The following THSD7B variants were observed in gnomAD, a reference collection of about 807,000 sequenced individuals.
The protein encoded by THSD7B is thrombospondin type 1 domain containing 7B.
Under a neutral mutation model 213.6 loss-of-function variants are expected in THSD7B, and 138 were observed. That is an observed-to-expected ratio of 0.65 (90% confidence interval 0.56 to 0.74). The LOEUF is 0.74. Among genes scored for constraint, THSD7B ranks in the 30% least tolerant of loss-of-function variants. THSD7B has a pLI of 0.00. For missense variants in THSD7B, 1,931 were observed against 1,991.5 expected, an observed-to-expected ratio of 0.97 and a Z score of 0.58; for synonymous variants, 742 against 687.0, an observed-to-expected ratio of 1.08 and a Z score of -1.25.
At chr2:137,055,282 T>C (rs548427083) in intron 2 of THSD7B, among the ~76,000 whole-genome samples, 1 of 152,282 alleles carries the variant, frequency 6.6e-6, no homozygotes, top group South Asian at 2.1e-4. Context: ...TTTATAATCC[T>C]TTGGGATCAA....
intron 1 of THSD7B, among the ~76,000 whole-genome samples, chr2:136,862,403 G>A (rs899506705): frequency 3.3e-5 from 5 of 152,068 alleles, no homozygotes; most frequent in African/African-American, 1.2e-4. Context: ...TGCCATTTTG[G>A]GTCCCCTTCT....
At position 137,493,860 on chromosome 2, in the gene THSD7B, A is replaced by T. The variant is rs546120175; in HGVS notation, c.3138+42837A>T. Among the ~76,000 whole-genome samples the T allele has an allele frequency of 2.4e-4, 36 of 152,300 alleles. 1 individual carries two copies. The South Asian group carries it at 7.3e-3, about 31-fold the overall frequency. On this transcript the variant is annotated intron_variant, in intron 15 of 27. Coordinates refer to ENST00000409968, the MANE Select transcript of THSD7B (RefSeq NM_001316349.2). ...GGAAACGTACCTAGCCCTGGATATGATACCCTTTGTGTCGTTTGGAAAGTG... is the reference window on the plus strand; with the variant it reads ...GGAAACGTACCTAGCCCTGGATATGTTACCCTTTGTGTCGTTTGGAAAGTG...
intron 5 of THSD7B, among the ~76,000 whole-genome samples, chr2:137,130,872 A>C (rs1458260169): frequency 3.0e-4 from 45 of 148,728 alleles, no homozygotes; most frequent in Non-Finnish European, 1.0e-4. Flanking sequence ...AGCATGATTT[A>C]TAGTCCTTTG....
At chr2:136,933,803 C>T (rs1684673161) in intron 2 of THSD7B, among the ~76,000 whole-genome samples, 1 of 152,110 alleles carries the variant, frequency 6.6e-6, no homozygotes, top group Non-Finnish European at 1.5e-5. Flanking sequence ...TTGTATTAAT[C>T]TAATTGATAT....
chr2:137,483,971 C>T (rs1404092686), intron 15 of THSD7B, among the ~76,000 whole-genome samples: 2 of 151,966 alleles, frequency 1.3e-5, no homozygotes, highest in East Asian at 1.9e-4. Context: ...GAGGGCTGGA[C>T]ATTATGCGAT....
chr2:136,947,711 G>A (rs1357033109), intron 2 of THSD7B, among the ~76,000 whole-genome samples: 1 of 152,190 alleles, frequency 6.6e-6, no homozygotes, highest in Non-Finnish European at 1.5e-5. Flanking sequence ...ATTCTAAGGT[G>A]CATATAAAGT....
intron 26 of THSD7B, among the ~76,000 whole-genome samples, chr2:137,665,545 G>A (rs1683429903): frequency 6.6e-6 from 1 of 151,924 alleles, no homozygotes; most frequent in African/African-American, 2.4e-5. Context: ...CTCATGGTGA[G>A]GGTATAAATT....
At chr2:137,554,519 C>G (rs1680913114) in intron 15 of THSD7B, among the ~76,000 whole-genome samples, 1 of 152,074 alleles carries the variant, frequency 6.6e-6, no homozygotes, top group Admixed American at 6.5e-5. Flanking sequence ...GTTTTTGGGA[C>G]TAAGGTGAGA....
chr2:137,527,483 T>G (rs1396930050), intron 15 of THSD7B, among the ~76,000 whole-genome samples: 1 of 152,160 alleles, frequency 6.6e-6, no homozygotes. Context: ...TCAGTTACCT[T>G]GCTCCATTTT....
At chr2:137,210,270 G>A (rs1021600979) in intron 7 of THSD7B, among the ~76,000 whole-genome samples, 112 of 152,028 alleles carry the variant, frequency 7.4e-4, no homozygotes, top group African/African-American at 2.7e-3. Flanking sequence ...TCACTTTTTG[G>A]CATTTAAGTA....
Position 137,351,771 on chromosome 2 carries a change from A to G in THSD7B, c.2501-53842A>G, listed in dbSNP as rs77700738. On this transcript the variant is annotated intron_variant, in intron 12 of 27. Coordinates refer to ENST00000409968, the MANE Select transcript of THSD7B (RefSeq NM_001316349.2). ...CTTGGAGATCAATTTTGCCAACTAC[A>G]TGTTTTATTTAAGGATGGCCTTTTA... Among the ~76,000 whole-genome samples, 1,459 of 151,990 alleles carry G rather than the reference A, an allele frequency of 9.6e-3. 27 individuals carry two copies. Among genetic ancestry groups the G allele is most frequent in the African/African-American group, 0.034 (1,408 of 41,520 alleles).
intron 12 of THSD7B, among the ~76,000 whole-genome samples, chr2:137,380,317 G>A (rs796981420): frequency 7.2e-5 from 11 of 152,174 alleles, no homozygotes; most frequent in African/African-American, 2.6e-4. Flanking sequence ...TACTCATTGG[G>A]AGAATTGCTT....
intron 7 of THSD7B, among the ~76,000 whole-genome samples, chr2:137,228,757 C>G (rs1405932764): frequency 6.6e-6 from 1 of 152,164 alleles, no homozygotes; most frequent in Non-Finnish European, 1.5e-5. Context: ...GCAGTTGCAA[C>G]TTGACATTTA....
At chr2:137,500,122 G>T (rs371257305) in intron 15 of THSD7B, among the ~76,000 whole-genome samples, 1 of 151,824 alleles carries the variant, frequency 6.6e-6, no homozygotes, top group Non-Finnish European at 1.5e-5. Context: ...CCAATCAAAG[G>T]CTCCTCTTTC....
At chr2:136,942,865 T>A (rs2105062026) in intron 2 of THSD7B, among the ~76,000 whole-genome samples, 1 of 152,360 alleles carries the variant, frequency 6.6e-6, no homozygotes, top group East Asian at 1.9e-4. Flanking sequence ...CTGATTGCCC[T>A]GGCCAGAACT....
chr2:137,044,075 G>A (rs1258421742), intron 2 of THSD7B, among the ~76,000 whole-genome samples: 2 of 152,078 alleles, frequency 1.3e-5, no homozygotes, highest in Admixed American at 6.5e-5. Context: ...CAGCTTTCTC[G>A]CTGCTTCTGG....
At chr2:137,592,317 C>G (rs559421374) in intron 17 of THSD7B, among the ~76,000 whole-genome samples, 2 of 151,790 alleles carry the variant, frequency 1.3e-5, no homozygotes, top group Non-Finnish European at 3.0e-5. Context: ...AATTATAGAT[C>G]TAGATGATTA....
chr2:137,674,551 C>G (rs1194548135), intron 27 of THSD7B, among the ~76,000 whole-genome samples: 1 of 152,084 alleles, frequency 6.6e-6, no homozygotes, highest in East Asian at 1.9e-4. Context: ...CATGCCAGAG[C>G]CTGAGCCCAT....
chr2:137,057,240 C>A lies in THSD7B; in HGVS notation c.950+10C>A, dbSNP rs563733076. 4 of 1,572,562 alleles carry A rather than the reference C, an allele frequency of 2.5e-6. No individual in the cohort carries two copies. The African/African-American group carries it at 5.5e-5, about 21-fold the overall frequency. On this transcript the variant is annotated intron_variant, in intron 3 of 27. Coordinates refer to ENST00000409968, the MANE Select transcript of THSD7B (RefSeq NM_001316349.2). Reference sequence around the variant, plus strand: ...AAAATGCTATGTTAAGGTAGGAGACCTTTGATGCTTGAATTTGATTCACCT... The same window carrying A: ...AAAATGCTATGTTAAGGTAGGAGACATTTGATGCTTGAATTTGATTCACCT...
Sources: allele counts gnomAD v4.1 joint callset (sites outside exome capture counted in the v4.1 genomes callset), GRCh38; gene constraint gnomAD v4.1.1; transcripts MANE v1.5; gene names NCBI Gene and HGNC (gene_info 2026-07-23, HGNC 2026-07-21).